The following MRTFA variants were observed in gnomAD, a reference collection of about 807,000 sequenced individuals.
MRTFA encodes myocardin-related transcription factor A.
In MRTFA, 20 loss-of-function variants were observed where a neutral mutation model predicts 83.5. The ratio of observed to expected loss-of-function variants is 0.24; its 90% confidence interval spans 0.17 to 0.35. The LOEUF (loss-of-function observed/expected upper bound fraction) is 0.35. Ranked by LOEUF, MRTFA falls within the 10% of genes least tolerant of loss-of-function variation. MRTFA has a pLI of 1.00. For missense variants in MRTFA, 1,200 were observed against 1,224.7 expected (o/e 0.98, Z 0.30); for synonymous variants, 659 against 541.2 (o/e 1.22, Z -3.02).
chr22:40,590,787 C>T (rs1173041521), intron 2 of MRTFA, among the ~76,000 whole-genome samples: 1 of 151,650 alleles, frequency 6.6e-6, no homozygotes, highest in Non-Finnish European at 1.5e-5. Flanking sequence ...TCAGCTAATA[C>T]CTAGTCTGTA....
intron 3 of MRTFA, chr22:40,533,689 C>T (rs537250579): frequency 9.0e-7 from 1 of 1,113,562 alleles, no homozygotes; most frequent in African/African-American, 1.6e-5. Flanking sequence ...AAGTCAAAGT[C>T]ACAGGAGAAA....
At chr22:40,424,170 T>A in intron 8 of MRTFA, 36 bp downstream of exon 8, 3 of 1,563,882 alleles carry the variant, frequency 1.9e-6, no homozygotes, top group Admixed American at 2.0e-5. Context: ...CCCTAGCACC[T>A]TGGAGCTGGG....
chr22:40,502,968 T>A (rs2054521222), intron 3 of MRTFA, among the ~76,000 whole-genome samples: 1 of 152,078 alleles, frequency 6.6e-6, no homozygotes, highest in African/African-American at 2.4e-5. Flanking sequence ...TTGCTCCCCT[T>A]CTCCACTTTT....
rs1355954944 is a variant in MRTFA at position 40,545,751 on chromosome 22, G to A, written c.241+6355C>T. 5.5e-5 allele frequency among the ~76,000 whole-genome samples: 8 copies of A among 145,836 alleles called. No individual in the cohort carries two copies. In the East Asian group the frequency reaches 1.6e-3, roughly 29 times the overall value. On this transcript the variant is annotated intron_variant, in intron 3 of 14. Coordinates refer to ENST00000355630, the MANE Select transcript of MRTFA (RefSeq NM_020831.6). ...CCCGGCCATTTTTTTCTTTTTTTTT[G>A]ACATGGAGTCTTGCTCTTGTCACCC...
At chr22:40,631,831 T>C (rs2056645303) in intron 1 of MRTFA, among the ~76,000 whole-genome samples, 1 of 152,212 alleles carries the variant, frequency 6.6e-6, no homozygotes, top group Non-Finnish European at 1.5e-5. Context: ...CATTCCTTCA[T>C]TCCTCCAAAG....
Position 40,483,253 on chromosome 22 carries a change from T to TG in MRTFA, c.242-19968dup, listed in dbSNP as rs541586980. Among the ~76,000 whole-genome samples the TG allele has an allele frequency of 5.6e-3, 850 of 152,118 alleles. 11 individuals carry two copies. The highest frequency in any genetic ancestry group is 0.02 in the African/African-American group (818 of 41,462). On this transcript the variant is annotated intron_variant, in intron 3 of 14. Transcript: ENST00000355630. ...TTTTAAAAAAATTTTTTTGTAGAGA[T>TG]GGGGTCTCACTATATTGCCCAGGTT...
chr22:40,560,196 A>G (rs1166482255), intron 2 of MRTFA, among the ~76,000 whole-genome samples: 1 of 152,236 alleles, frequency 6.6e-6, no homozygotes, highest in Non-Finnish European at 1.5e-5. Flanking sequence ...GAAGCTGGTT[A>G]TTAGGTATTT....
chr22:40,504,579 A>G (rs938043301), intron 3 of MRTFA, among the ~76,000 whole-genome samples: 2 of 152,346 alleles, frequency 1.3e-5, no homozygotes, highest in South Asian at 4.1e-4. Context: ...TATGAAAACA[A>G]GGAACTGAAA....
In MRTFA at chr22:40,410,683, GGCACCAGACTGT is replaced by G; in HGVS notation, c.*695_*706del. Reference sequence around the variant, plus strand: ...GCCTGGGTAGCTGCATGCCAGACTGGGCACCAGACTGTGGCACACAGCTCAAGGGTAACCTTG... The same window carrying G: ...GCCTGGGTAGCTGCATGCCAGACTGGGGCACACAGCTCAAGGGTAACCTTG... On this transcript the variant is annotated 3_prime_UTR_variant, in exon 15 of 15. Coordinates refer to ENST00000355630, the MANE Select transcript of MRTFA (RefSeq NM_020831.6). 4.3e-6 allele frequency: 1 copy of G among 233,462 alleles called. No homozygotes were observed. Among genetic ancestry groups the G allele is most frequent in the Non-Finnish European group, 8.5e-6 (1 of 117,950 alleles). 14.5% of individuals were successfully genotyped at this position (233,462 alleles called of 1,614,324 possible).
At chr22:40,582,596 A>G (rs981495026) in intron 2 of MRTFA, among the ~76,000 whole-genome samples, 3 of 151,248 alleles carry the variant, frequency 2.0e-5, no homozygotes, top group Non-Finnish European at 4.4e-5. Flanking sequence ...TTCATAGTCT[A>G]AAAAAAAACT....
chr22:40,461,752 T>C (rs1358485937), intron 4 of MRTFA, among the ~76,000 whole-genome samples: 1 of 151,742 alleles, frequency 6.6e-6, no homozygotes, highest in Admixed American at 6.6e-5. Flanking sequence ...TGAGCCCAGA[T>C]TATGCCACTG....
At chr22:40,421,231 T>C in intron 9 of MRTFA, 131 bp from the exon 10 acceptor site, 1 of 1,060,796 alleles carries the variant, frequency 9.4e-7, no homozygotes, top group Non-Finnish European at 1.3e-6. Flanking sequence ...ATTTCCACTC[T>C]TCCCTGTGGG....
At chr22:40,629,786 A>AG (rs1156861627) in intron 1 of MRTFA, among the ~76,000 whole-genome samples, 1 of 151,220 alleles carries the variant, frequency 6.6e-6, no homozygotes, top group East Asian at 1.9e-4. Flanking sequence ...AAAAAAAAAA[A>AG]AAAAAAAAAA....
At chr22:40,547,716 G>A (rs150508982) in intron 3 of MRTFA, among the ~76,000 whole-genome samples, 234 of 152,064 alleles carry the variant, frequency 1.5e-3, no homozygotes, top group Non-Finnish European at 2.7e-3. Context: ...TCAGTCTGGC[G>A]TGGTGGCGTA....
chr22:40,635,386 C>G (rs2056684323), intron 1 of MRTFA, among the ~76,000 whole-genome samples: 1 of 152,110 alleles, frequency 6.6e-6, no homozygotes, highest in African/African-American at 2.4e-5. Context: ...AGAAAGGACC[C>G]TGAAAAGATC....
At chr22:40,434,991 C>T (rs1485036103) in intron 5 of MRTFA, among the ~76,000 whole-genome samples, 2 of 152,094 alleles carry the variant, frequency 1.3e-5, no homozygotes, top group African/African-American at 4.8e-5. Context: ...GGGCCAGTTT[C>T]TGCTTTCCAC....
At chr22:40,478,770 G>A (rs898896394) in intron 3 of MRTFA, among the ~76,000 whole-genome samples, 8 of 152,090 alleles carry the variant, frequency 5.3e-5, no homozygotes, top group Non-Finnish European at 7.4e-5. Context: ...ACAACCCATC[G>A]GAATGGCTCC....
chr22:40,544,835 G>C (rs1023938290), intron 3 of MRTFA, among the ~76,000 whole-genome samples: 1 of 152,020 alleles, frequency 6.6e-6, no homozygotes, highest in Admixed American at 6.6e-5. Context: ...TACTCAGGAG[G>C]GTGAGGCAGG....
chr22:40,577,609 ATTTTT>A (rs71199293), intron 2 of MRTFA, among the ~76,000 whole-genome samples: 2 of 129,848 alleles, frequency 1.5e-5, no homozygotes, highest in Admixed American at 7.9e-5. Context: ...TCTACATCTG[ATTTTT>A]TTTTTTTTTT....
Sources: gnomAD v4.1 joint callset for allele counts (sites outside exome capture counted in the v4.1 genomes callset) on GRCh38, gnomAD v4.1.1 for gene constraint, MANE v1.5 for transcripts, NCBI Gene and HGNC (gene_info 2026-07-23, HGNC 2026-07-21) for gene names.